LRMDA: variants seen among roughly 807,000 people sequenced by gnomAD.
LRMDA encodes the protein leucine rich melanocyte differentiation associated.
Under a neutral mutation model 29.8 loss-of-function variants are expected in LRMDA, and 18 were observed. The observed-to-expected ratio is 0.60, with a 90% CI of 0.42 to 0.90. The LOEUF (loss-of-function observed/expected upper bound fraction) is 0.90. Ranked by LOEUF, LRMDA falls within the 40% of genes least tolerant of loss-of-function variation. LRMDA has a pLI of 0.00. For synonymous variants in LRMDA, 125 were observed against 109.4 expected (o/e 1.14, Z -0.89); for missense variants, 273 against 273.9 (o/e 1.00, Z 0.02).
chr10:76,385,947 C>A (rs1172325367), intron 6 of LRMDA, among the ~76,000 whole-genome samples: 1 of 152,156 alleles, frequency 6.6e-6, no homozygotes, highest in Non-Finnish European at 1.5e-5. Flanking sequence ...GTTGACTCAT[C>A]TTGTTTCTGG....
intron 2 of LRMDA, among the ~76,000 whole-genome samples, chr10:75,582,245 G>T (rs1353164855): frequency 6.6e-6 from 1 of 152,212 alleles, no homozygotes; most frequent in African/African-American, 2.4e-5. Context: ...CCTTTGCACT[G>T]CCCTAGTAGA....
chr10:75,917,157 C>G (rs968793558), intron 2 of LRMDA, among the ~76,000 whole-genome samples: 1 of 152,168 alleles, frequency 6.6e-6, no homozygotes, highest in Non-Finnish European at 1.5e-5. Context: ...CTGTGCAGGC[C>G]ATCAATGGGC....
chr10:76,044,446 T>A (rs1455099893), intron 3 of LRMDA, among the ~76,000 whole-genome samples: 2 of 151,638 alleles, frequency 1.3e-5, no homozygotes, highest in Admixed American at 6.6e-5. Context: ...TTTGTTTTTT[T>A]TTTTTTTTTT....
chr10:76,301,976 G>A (rs1840486296), intron 5 of LRMDA, among the ~76,000 whole-genome samples: 1 of 152,174 alleles, frequency 6.6e-6, no homozygotes, highest in Non-Finnish European at 1.5e-5. Context: ...CAAGTTGTTT[G>A]CTTAAAATGT....
chr10:75,842,138 A>C (rs1012642346), intron 2 of LRMDA, among the ~76,000 whole-genome samples: 2 of 152,224 alleles, frequency 1.3e-5, no homozygotes, highest in Non-Finnish European at 2.9e-5. Context: ...GCCTCTTTTC[A>C]TATGCCTGCA....
chr10:76,288,783 C>T (rs1243873699), intron 5 of LRMDA, among the ~76,000 whole-genome samples: 3 of 152,044 alleles, frequency 2.0e-5, no homozygotes, highest in African/African-American at 4.8e-5. Flanking sequence ...CTGTGGTTTC[C>T]GTAGGAGAAA....
chr10:76,180,525 T>A (rs1209746736), intron 5 of LRMDA, among the ~76,000 whole-genome samples: 3 of 151,966 alleles, frequency 2.0e-5, no homozygotes, highest in African/African-American at 4.8e-5. Context: ...GTGATCCTCC[T>A]GCCTCGGCCT....
At chr10:75,740,605 GC>G (rs1349211673) in intron 2 of LRMDA, among the ~76,000 whole-genome samples, 1 of 152,144 alleles carries the variant, frequency 6.6e-6, no homozygotes, top group Non-Finnish European at 1.5e-5. Flanking sequence ...GAGCACTCAG[GC>G]CCCCTTATCC....
intron 2 of LRMDA, among the ~76,000 whole-genome samples, chr10:75,697,321 C>CTT (rs72000719): frequency 0.021 from 3,002 of 145,042 alleles, 88 homozygotes; most frequent in African/African-American, 0.065. Context: ...TTTATTTTAC[C>CTT]TTTTTTTTTT....
intron 2 of LRMDA, among the ~76,000 whole-genome samples, chr10:75,699,542 A>G (rs1222883977): frequency 6.6e-6 from 1 of 152,248 alleles, no homozygotes; most frequent in African/African-American, 2.4e-5. Flanking sequence ...TAAAATTGCC[A>G]TACATTTTGG....
rs1564576539 is a variant in LRMDA, at chr10:76,558,126, C to CTTA, written c.*841_*843dup. 6.6e-6 allele frequency: 1 copy of CTTA among 152,170 alleles called. No individual in the cohort carries two copies. Among genetic ancestry groups the CTTA allele is most frequent in the Admixed American group, 6.5e-5 (1 of 15,280 alleles). 9.4% of individuals were successfully genotyped at this position (152,170 alleles called of 1,614,324 possible). On this transcript the variant is annotated 3_prime_UTR_variant, in exon 7 of 7. Coordinates refer to ENST00000611255, the MANE Select transcript of LRMDA (RefSeq NM_001305581.2). ...TGAGGGTTTGGTTGCACCAGGGACT[C>CTTA]TTATTTATTAATTTATTTTTAACCG... is the stretch of plus-strand genomic sequence containing the variant.
intron 2 of LRMDA, among the ~76,000 whole-genome samples, chr10:75,810,998 G>A (rs893143812): frequency 6.6e-6 from 1 of 152,144 alleles, no homozygotes; most frequent in African/African-American, 2.4e-5. Context: ...TGGAGGAGCT[G>A]GGTCCAGGGC....
At chr10:75,705,469 T>G (rs1842355361) in intron 2 of LRMDA, among the ~76,000 whole-genome samples, 1 of 152,146 alleles carries the variant, frequency 6.6e-6, no homozygotes, top group Non-Finnish European at 1.5e-5. Context: ...TTTGGAACAT[T>G]AAATGGGTGG....
At chr10:76,251,226 CTTTTTTTTTTTTTTTTTTTTTTTT>C (rs558637864) in intron 5 of LRMDA, among the ~76,000 whole-genome samples, 1 of 70,264 alleles carries the variant, frequency 1.4e-5, no homozygotes, top group African/African-American at 4.6e-5. Context: ...CCCGTCGCTT[CTTTTTTTTTTTTTTTTTTTTTTTT>C]TTTTTTTTTT....
intron 5 of LRMDA, among the ~76,000 whole-genome samples, chr10:76,282,398 A>T (rs185830797): frequency 1.3e-5 from 2 of 152,180 alleles, no homozygotes; most frequent in African/African-American, 4.8e-5. Flanking sequence ...CCAGCTGCAC[A>T]GTGGCTATTA....
At chr10:76,039,861 G>A (rs906997349) in intron 3 of LRMDA, among the ~76,000 whole-genome samples, 4 of 152,174 alleles carry the variant, frequency 2.6e-5, no homozygotes, top group African/African-American at 9.7e-5. Context: ...TACTATTATT[G>A]TTGTTGTTAT....
rs544074927 is a variant in LRMDA at position 75,824,705 on chromosome 10, C to T, written c.132-211303C>T. On this transcript the variant is annotated intron_variant, in intron 2 of 6. Coordinates refer to ENST00000611255, the MANE Select transcript of LRMDA (RefSeq NM_001305581.2). The stretch of plus-strand genomic sequence containing the variant: ...TCTAAACAAGCTGTAAACTTTCACT[C>T]CCCTCCTGCTAAGAGCCTGGAAGGA... Among the ~76,000 whole-genome samples the T allele has an allele frequency of 3.0e-4, 45 of 152,304 alleles. 1 individual carries two copies. In the South Asian group the frequency reaches 8.1e-3, roughly 27 times the overall value.
At chr10:76,054,292 G>A (rs1457746084) in intron 4 of LRMDA, among the ~76,000 whole-genome samples, 4 of 152,084 alleles carry the variant, frequency 2.6e-5, no homozygotes, top group East Asian at 1.9e-4. Context: ...GCTGGCCCAC[G>A]GGATGGGTGA....
At chr10:75,697,821 A>T (rs947997792) in intron 2 of LRMDA, among the ~76,000 whole-genome samples, 1 of 141,100 alleles carries the variant, frequency 7.1e-6, no homozygotes, top group African/African-American at 2.9e-5. Context: ...TCTCTGTATT[A>T]TGTGCATGTA....
Sources: gnomAD v4.1 joint callset for allele counts (sites outside exome capture counted in the v4.1 genomes callset) on GRCh38, gnomAD v4.1.1 for gene constraint, MANE v1.5 for transcripts, NCBI Gene and HGNC (gene_info 2026-07-23, HGNC 2026-07-21) for gene names.